Variants in GSE1 observed in about 807,000 individuals in gnomAD.
GSE1 encodes genetic suppressor element 1.
In GSE1, 32 loss-of-function variants were observed where a neutral mutation model predicts 112.6. That is an observed-to-expected ratio of 0.28 (90% CI 0.21 to 0.38). GSE1 has a LOEUF of 0.38. Ranked by LOEUF, GSE1 falls within the 10% of genes least tolerant of loss-of-function variation. The pLI, the probability that GSE1 is intolerant of heterozygous loss-of-function variation, is 1.00. For missense variants in GSE1, 2,348 were observed against 1,699.2 expected, an observed-to-expected ratio of 1.38 and a Z score of -6.71; for synonymous variants, 1,115 against 735.6, an observed-to-expected ratio of 1.52 and a Z score of -8.35.
intron 1 of GSE1, among the ~76,000 whole-genome samples, chr16:85,223,753 C>G (rs937614298): frequency 2.0e-5 from 3 of 151,316 alleles, no homozygotes; most frequent in African/African-American, 7.3e-5. Context: ...TACAGGCTTG[C>G]GCCACCATGC....
intron 1 of GSE1, among the ~76,000 whole-genome samples, chr16:85,631,109 C>T (rs1004122233): frequency 1.3e-5 from 2 of 152,222 alleles, no homozygotes; most frequent in African/African-American, 4.8e-5. Flanking sequence ...CCACGAGGAC[C>T]TGGTTCATTG....
At chr16:85,313,679 C>T (rs1014776832) in intron 1 of GSE1, among the ~76,000 whole-genome samples, 38 of 152,296 alleles carry the variant, frequency 2.5e-4, no homozygotes, top group South Asian at 8.3e-4. Context: ...AAAGTCTGGG[C>T]GGTCAGAACA....
intron 2 of GSE1, among the ~76,000 whole-genome samples, chr16:85,369,095 C>T (rs936008152): frequency 8.5e-5 from 13 of 152,190 alleles, no homozygotes; most frequent in African/African-American, 2.9e-4. Flanking sequence ...TCGGATCTCA[C>T]GAGGCTAAAT....
At chr16:85,444,479 T>G (rs2049459161) in intron 2 of GSE1, among the ~76,000 whole-genome samples, 1 of 152,064 alleles carries the variant, frequency 6.6e-6, no homozygotes, top group South Asian at 2.1e-4. Flanking sequence ...GAGTCTGGTT[T>G]AGTTGGAGAG....
intron 1 of GSE1, among the ~76,000 whole-genome samples, chr16:85,606,158 G>A (rs534567797): frequency 6.6e-5 from 10 of 152,318 alleles, no homozygotes; most frequent in South Asian, 2.1e-4. Flanking sequence ...GGTTCTCAGC[G>A]CCCTGGGATT....
At chr16:85,201,179 C>T (rs534694039) in intron 1 of GSE1, among the ~76,000 whole-genome samples, 1 of 152,182 alleles carries the variant, frequency 6.6e-6, no homozygotes, top group East Asian at 1.9e-4. Context: ...TTTAAGTGAT[C>T]CTCCCACCTT....
intron 2 of GSE1, among the ~76,000 whole-genome samples, chr16:85,477,462 G>A (rs1022847950): frequency 2.6e-5 from 4 of 151,658 alleles, no homozygotes; most frequent in Admixed American, 6.6e-5. Flanking sequence ...GGGTCTGCTC[G>A]GCACCCCTCA....
intron 1 of GSE1, among the ~76,000 whole-genome samples, chr16:85,354,093 C>A (rs1488988126): frequency 2.0e-5 from 3 of 152,230 alleles, no homozygotes; most frequent in Non-Finnish European, 2.9e-5. Context: ...TCCAGCTGCT[C>A]CAGGAAGCCC....
At chr16:85,545,876 G>A (rs1288369602) in intron 2 of GSE1, among the ~76,000 whole-genome samples, 1 of 152,032 alleles carries the variant, frequency 6.6e-6, no homozygotes, top group Admixed American at 6.6e-5. Context: ...TCCGCCTCCC[G>A]GGTTCACGCC....
chr16:85,663,677 G>A (rs1404177633), intron 11 of GSE1, 63 bp downstream of exon 11: 4 of 1,513,438 alleles, frequency 2.6e-6, no homozygotes, highest in East Asian at 2.3e-5. Flanking sequence ...TTCTGAAGCA[G>A]CAGGTGGGGC....
chr16:85,565,534 A>G (rs915377668), intron 1 of GSE1, among the ~76,000 whole-genome samples: 7 of 152,058 alleles, frequency 4.6e-5, no homozygotes, highest in African/African-American at 1.7e-4. Flanking sequence ...CAGTGCCCAC[A>G]CCGGCGAGGG....
chr16:85,247,194 G>T (rs576600954), intron 1 of GSE1, among the ~76,000 whole-genome samples: 1 of 152,110 alleles, frequency 6.6e-6, no homozygotes, highest in Non-Finnish European at 1.5e-5. Flanking sequence ...TCTTGATTTC[G>T]CCACGGGCTG....
chr16:85,483,111 T>C (rs2050732824), intron 2 of GSE1, among the ~76,000 whole-genome samples: 1 of 152,248 alleles, frequency 6.6e-6, no homozygotes, highest in Admixed American at 6.5e-5. Flanking sequence ...GTAAGTTACC[T>C]CTGGCTATGT....
At chr16:85,272,781 T>C (rs541587482) in intron 1 of GSE1, among the ~76,000 whole-genome samples, 78 of 149,644 alleles carry the variant, frequency 5.2e-4, no homozygotes, top group African/African-American at 1.6e-3. Flanking sequence ...TCTTTTCTTT[T>C]TTTTTTTTTT....
At chr16:85,618,354 C>T (rs923484953) in intron 1 of GSE1, among the ~76,000 whole-genome samples, 1 of 152,200 alleles carries the variant, frequency 6.6e-6, no homozygotes, top group African/African-American at 2.4e-5. Flanking sequence ...TAATGCCCGC[C>T]ACATGCCCCT....
At chr16:85,219,229 G>T (rs2075353194) in intron 1 of GSE1, among the ~76,000 whole-genome samples, 1 of 151,888 alleles carries the variant, frequency 6.6e-6, no homozygotes, top group Non-Finnish European at 1.5e-5. Flanking sequence ...GGGCAGGCTG[G>T]TCTCGAACTC....
chr16:85,627,188 C>T (rs531790092), intron 1 of GSE1, among the ~76,000 whole-genome samples: 7 of 144,892 alleles, frequency 4.8e-5, no homozygotes, highest in Admixed American at 6.8e-5. Context: ...GGGCCTCACC[C>T]GGGGGCGGTG....
chr16:85,562,133 A>C (rs1326903596), intron 1 of GSE1, among the ~76,000 whole-genome samples: 6 of 152,222 alleles, frequency 3.9e-5, no homozygotes, highest in African/African-American at 1.4e-4. Context: ...AAACATGGCT[A>C]TTTTAGTTGT....
chr16:85,619,205 C>G (rs1483918392), intron 1 of GSE1, among the ~76,000 whole-genome samples: 1 of 152,220 alleles, frequency 6.6e-6, no homozygotes, highest in African/African-American at 2.4e-5. Flanking sequence ...GTGATTGGCA[C>G]TCTGGGCCCA....
Sources: gnomAD v4.1 joint callset for allele counts (sites outside exome capture counted in the v4.1 genomes callset) on GRCh38, gnomAD v4.1.1 for gene constraint, MANE v1.5 for transcripts, NCBI Gene and HGNC (gene_info 2026-07-23, HGNC 2026-07-21) for gene names.